MAP3K2: variants seen among roughly 807,000 people sequenced by gnomAD.
The protein encoded by MAP3K2 is mitogen-activated protein kinase kinase kinase 2, also known as MAP/ERK kinase kinase 2.
Under a neutral mutation model 80.3 loss-of-function variants are expected in MAP3K2, and 24 were observed. That is an observed-to-expected ratio of 0.30 (90% CI 0.22 to 0.42). MAP3K2 has a LOEUF of 0.42. Ranked by LOEUF, MAP3K2 falls within the 10% of genes least tolerant of loss-of-function variation. The pLI, the probability that MAP3K2 is intolerant of heterozygous loss-of-function variation, is 1.00. For synonymous variants in MAP3K2, 244 were observed against 253.7 expected (o/e 0.96, Z 0.36); for missense variants, 608 against 750.1 (o/e 0.81, Z 2.21).
intron 14 of MAP3K2, among the ~76,000 whole-genome samples, chr2:127,315,972 G>A (rs964177511): frequency 2.6e-5 from 4 of 152,132 alleles, no homozygotes; most frequent in African/African-American, 7.2e-5. Context: ...CTACTCAGGA[G>A]GCTGAGGCAG....
chr2:127,360,663 C>T (rs921106883), intron 1 of MAP3K2, among the ~76,000 whole-genome samples: 1 of 152,086 alleles, frequency 6.6e-6, no homozygotes, highest in Non-Finnish European at 1.5e-5. Flanking sequence ...TGATTTTAGG[C>T]CAATTTATGA....
chr2:127,357,346 G>A (rs1210487801), intron 1 of MAP3K2, among the ~76,000 whole-genome samples: 1 of 152,136 alleles, frequency 6.6e-6, no homozygotes, highest in Non-Finnish European at 1.5e-5. Context: ...ATTATCAGCT[G>A]GGCATGGTGC....
intron 2 of MAP3K2, among the ~76,000 whole-genome samples, chr2:127,342,817 C>T (rs1280875964): frequency 6.6e-6 from 1 of 152,126 alleles, no homozygotes; most frequent in East Asian, 1.9e-4. Flanking sequence ...ATTTGCTGCT[C>T]TATGAATGAT....
rs538453795 is a variant in MAP3K2 at position 127,312,210 on chromosome 2, T to C, written c.1456+2544A>G. On this transcript the variant is annotated intron_variant, in intron 15 of 16. Transcript: ENST00000682094. ...GTTAGCCAAAATACTTCTATGAAGA[T>C]AAGTTTCCTTTCATCCATTAATTTC... is the stretch of plus-strand genomic sequence containing the variant. 2.2e-4 allele frequency among the ~76,000 whole-genome samples: 33 copies of C among 152,362 alleles called. No homozygotes were observed. In the South Asian group the frequency reaches 3.7e-3, roughly 17 times the overall value.
chr2:127,350,454 C>CAAAAAAA (rs752516255), intron 1 of MAP3K2, among the ~76,000 whole-genome samples: 211 of 99,190 alleles, frequency 2.1e-3, no homozygotes, highest in South Asian at 3.6e-3. Flanking sequence ...AAAACAAAAA[C>CAAAAAAA]AAAAAAAAAA....
At position 127,298,762 on chromosome 2, in the gene MAP3K2, C is replaced by G. The variant is rs1685533631; in HGVS notation, c.*8817G>C. On this transcript the variant is annotated 3_prime_UTR_variant, in exon 17 of 17. Transcript: ENST00000682094. ...CAGAAGGTTACTTATTAGAGTAAGC[C>G]TTTGCACCACAATCTTTCAAAAAAA... 1 of 152,080 alleles carries G rather than the reference C, an allele frequency of 6.6e-6. No homozygotes were observed. The highest frequency in any genetic ancestry group is 2.4e-5 in the African/African-American group (1 of 41,400). The allele number at this position is 152,080 out of a possible 1,614,324, so 9.4% of individuals were successfully genotyped here.
intron 5 of MAP3K2, among the ~76,000 whole-genome samples, chr2:127,332,987 A>G (rs1686288006): frequency 6.6e-6 from 1 of 151,826 alleles, no homozygotes; most frequent in African/African-American, 2.4e-5. Context: ...AAAATTAACA[A>G]GGTATGGTAG....
chr2:127,345,500 A>C (rs1374418259), intron 1 of MAP3K2, among the ~76,000 whole-genome samples: 1 of 152,248 alleles, frequency 6.6e-6, no homozygotes, highest in African/African-American at 2.4e-5. Context: ...GAAATACAAG[A>C]CTTGTACAAC....
intron 2 of MAP3K2, among the ~76,000 whole-genome samples, chr2:127,341,135 A>AC (rs1009823763): frequency 6.7e-6 from 1 of 149,714 alleles, no homozygotes; most frequent in South Asian, 2.1e-4. Flanking sequence ...GACTACAGGC[A>AC]CCCCCCACCA....
chr2:127,364,824 A>C lies in MAP3K2; in HGVS notation c.-65-21630T>G, dbSNP rs1397754544. On this transcript the variant is annotated intron_variant, in intron 1 of 16. Coordinates refer to ENST00000682094, the MANE Select transcript of MAP3K2 (RefSeq NM_001371910.2). The surrounding 1 kb of genome is among the most constrained non-coding windows in gnomAD (Gnocchi z 4.1). ...ATCTCTTCTCATTACTACTGCAATGACTACTAATAAAAGCTACTATTGACC... is the reference window on the plus strand; with the variant it reads ...ATCTCTTCTCATTACTACTGCAATGCCTACTAATAAAAGCTACTATTGACC... 6.6e-6 allele frequency among the ~76,000 whole-genome samples: 1 copy of C among 152,022 alleles called. No individual in the cohort carries two copies. The highest frequency in any genetic ancestry group is 1.5e-5 in the Non-Finnish European group (1 of 68,000).
intron 1 of MAP3K2, among the ~76,000 whole-genome samples, chr2:127,369,028 A>G (rs1574005147): frequency 1.3e-5 from 2 of 151,324 alleles, no homozygotes; most frequent in African/African-American, 4.9e-5. Context: ...GCTCACTGCA[A>G]CCTCCGACTC....
chr2:127,387,848 G>T lies in MAP3K2; in HGVS notation c.-462C>A. 1.0e-6 allele frequency: 1 copy of T among 984,990 alleles called. No individual in the cohort carries two copies. Among genetic ancestry groups the T allele is most frequent in the Non-Finnish European group, 1.2e-6 (1 of 829,744 alleles). The allele number at this position is 984,990 out of a possible 1,614,324, so 61.0% of individuals were successfully genotyped here. ...GCGGACAGGGGCGCCGAGCGTCCTG[G>T]TCGTTGTTTTCGTCGCCGCCGCGGG... On this transcript the variant is annotated 5_prime_UTR_variant, in exon 1 of 17. Transcript: ENST00000682094.
In MAP3K2 at chr2:127,322,103, C is replaced by G; in HGVS notation, c.988G>C (p.Gly330Arg). ...EYDDSRIRRR[G>R]SDIDNPTLTV... ...AAAGTAGGATTGTCTATGTCACTTC[C>G]CCTTCTTCTTATTCGACTATCATCA... The change falls in exon 12 of 17, where the codon GGA becomes CGA. Residue 330 changes from glycine (G) to arginine (R), a missense_variant. Around this residue, in one of 4 missense-constraint regions of MAP3K2, gnomAD observed 467 missense variants for 521.9 expected, o/e 0.89. Coordinates refer to ENST00000682094, the MANE Select transcript of MAP3K2 (RefSeq NM_001371910.2). This position sits in a 1 kb window ranked among gnomAD's most constrained non-coding sequence, Gnocchi z 4.2. 6.2e-7 allele frequency: 1 copy of G among 1,613,814 alleles called. No homozygotes were observed. The highest frequency in any genetic ancestry group is 8.5e-7 in the Non-Finnish European group (1 of 1,179,818).
intron 1 of MAP3K2, among the ~76,000 whole-genome samples, chr2:127,383,726 G>C (rs991120856): frequency 1.3e-5 from 2 of 152,184 alleles, no homozygotes; most frequent in African/African-American, 4.8e-5. Context: ...GGAGGCCAAA[G>C]TGGGAGGACC....
chr2:127,319,592 G>T (rs770186519), intron 12 of MAP3K2, among the ~76,000 whole-genome samples: 3 of 137,746 alleles, frequency 2.2e-5, no homozygotes, highest in Non-Finnish European at 4.5e-5. Flanking sequence ...ATCACCTGAG[G>T]TCAGGAGTTC....
intron 1 of MAP3K2, among the ~76,000 whole-genome samples, chr2:127,344,873 TG>T (rs1558983180): frequency 6.6e-6 from 1 of 152,102 alleles, no homozygotes; most frequent in African/African-American, 2.4e-5. Flanking sequence ...ACACTTTTTT[TG>T]GGGGACAGGA....
chr2:127,369,468 TAAAAAAAAAAA>T (rs70985451), intron 1 of MAP3K2, among the ~76,000 whole-genome samples: 1 of 32,728 alleles, frequency 3.1e-5, no homozygotes, highest in African/African-American at 1.2e-4. Context: ...CCGTCTCTAC[TAAAAAAAAAAA>T]AAAAAAAAAA....
chr2:127,352,833 C>A (rs553327448), intron 1 of MAP3K2, among the ~76,000 whole-genome samples: 1 of 152,196 alleles, frequency 6.6e-6, no homozygotes, highest in East Asian at 1.9e-4. Context: ...CGAGTGCCTG[C>A]GATTGCAGGT....
rs1240620487 is a variant in MAP3K2 at position 127,339,062 on chromosome 2, T to G, written c.5-12A>C. On this transcript the variant is annotated splice_polypyrimidine_tract_variant and intron_variant, in intron 2 of 16. Coordinates refer to ENST00000682094, the MANE Select transcript of MAP3K2 (RefSeq NM_001371910.2). The surrounding 1 kb of genome is among the most constrained non-coding windows in gnomAD (Gnocchi z 4.2). ...AGCTTGCTGATCATCTAGGTAGTTTTGAAACAACACATACATAGAATTGTA... is the reference window on the plus strand; with the variant it reads ...AGCTTGCTGATCATCTAGGTAGTTTGGAAACAACACATACATAGAATTGTA... 3 of 1,502,326 alleles carry G rather than the reference T, an allele frequency of 2.0e-6. No homozygotes were observed. In the African/African-American group the frequency reaches 4.1e-5, roughly 21 times the overall value. The allele number at this position is 1,502,326 out of a possible 1,614,324, so 93.1% of individuals were successfully genotyped here.
Sources: allele counts gnomAD v4.1 joint callset (sites outside exome capture counted in the v4.1 genomes callset), GRCh38; gene constraint gnomAD v4.1.1; regional missense constraint gnomAD v4.1.1; non-coding constraint Gnocchi (gnomAD v3.1); transcripts MANE v1.5; gene names NCBI Gene and HGNC (gene_info 2026-07-23, HGNC 2026-07-21).